Variants in COBL observed in about 807,000 individuals in gnomAD.
COBL encodes the protein cordon-bleu WH2 repeat protein, also known as protein cordon-bleu.
Under a neutral mutation model 98.8 loss-of-function variants are expected in COBL, and 51 were observed. That is an observed-to-expected ratio of 0.52 (90% confidence interval 0.41 to 0.65). The LOEUF is 0.65. Among genes scored for constraint, COBL ranks in the 30% least tolerant of loss-of-function variants. The pLI, the probability that COBL is intolerant of heterozygous loss-of-function variation, is 0.00. For missense variants in COBL, 1,617 were observed against 1,617.5 expected (o/e 1.00, Z 0.01); for synonymous variants, 634 against 651.7 (o/e 0.97, Z 0.41).
chr7:51,206,344 T>A (rs890614239), intron 2 of COBL, among the ~76,000 whole-genome samples: 1 of 151,680 alleles, frequency 6.6e-6, no homozygotes, highest in African/African-American at 2.4e-5. Context: ...ATACAAAAAT[T>A]AGCCAGGCGT....
intron 6 of COBL, among the ~76,000 whole-genome samples, chr7:51,125,713 G>C (rs1798135829): frequency 6.6e-6 from 1 of 152,116 alleles, no homozygotes; most frequent in South Asian, 2.1e-4. Flanking sequence ...CTGCCACGTG[G>C]CACTTTCCCC....
chr7:51,298,096 C>A (rs1406135637), intron 1 of COBL, among the ~76,000 whole-genome samples: 1 of 152,196 alleles, frequency 6.6e-6, no homozygotes, highest in East Asian at 1.9e-4. Flanking sequence ...TCCTTGCACC[C>A]CCTCTTGAAT....
Position 51,205,926 on chromosome 7 carries a change from T to C in COBL, c.246-12337A>G, listed in dbSNP as rs543038056. On this transcript the variant is annotated intron_variant, in intron 2 of 12. Coordinates refer to ENST00000265136, the MANE Select transcript of COBL (RefSeq NM_015198.5). The stretch of plus-strand genomic sequence containing the variant: ...AATAGATATTTCTCAAAATAAGACA[T>C]ACAAATGGTCAACAGGTATACTGAA... 1.9e-3 allele frequency among the ~76,000 whole-genome samples: 291 copies of C among 152,242 alleles called. 1 individual carries two copies. Among genetic ancestry groups the C allele is most frequent in the African/African-American group, 6.5e-3 (270 of 41,540 alleles).
intron 1 of COBL, among the ~76,000 whole-genome samples, chr7:51,265,640 C>A (rs952841956): frequency 1.3e-5 from 2 of 152,220 alleles, no homozygotes; most frequent in East Asian, 1.9e-4. Context: ...TGATGTGATA[C>A]CTGAGGTGCC....
chr7:51,315,013 G>A (rs1432716235), intron 1 of COBL, among the ~76,000 whole-genome samples: 11 of 152,008 alleles, frequency 7.2e-5, no homozygotes, highest in Admixed American at 2.6e-4. Context: ...CAGTTTTGCC[G>A]GCCTTTTAAA....
rs527779419 is a variant in COBL at position 51,083,209 on chromosome 7, T to C, written c.1096+1957A>G. On this transcript the variant is annotated intron_variant, in intron 7 of 12. Coordinates refer to ENST00000265136, the MANE Select transcript of COBL (RefSeq NM_015198.5). ...GAGCAGTGCCTCTGGGAGGCTTTTGTGGCACCTGCCGTCCACCACCTATAT... is the reference window on the plus strand; with the variant it reads ...GAGCAGTGCCTCTGGGAGGCTTTTGCGGCACCTGCCGTCCACCACCTATAT... 7.5e-6 allele frequency: 11 copies of C among 1,461,392 alleles called. No individual in the cohort carries two copies. In the South Asian group the frequency reaches 1.4e-4, roughly 19 times the overall value. 90.5% of individuals were successfully genotyped at this position (1,461,392 alleles called of 1,614,324 possible).
rs1366406474 is a variant in COBL at position 51,029,084 on chromosome 7, A to G, written c.2012T>C (p.Val671Ala). ...TTTATCGTTGCTGTCCTTTTCATTC[A>G]CCGGTTGGGAATTCACTCTCTCTGT... ...QATERVNSQP[V>A]NEKDSNDKNA... The change falls in exon 10 of 13, where the codon GTG becomes GCG. Residue 671 changes from valine (V) to alanine (A), a missense_variant. Physicochemically the swap from Val to Ala is moderately conservative, Grantham distance 64. Transcript: ENST00000265136. 6.2e-7 allele frequency: 1 copy of G among 1,613,728 alleles called. No homozygotes were observed. The highest frequency in any genetic ancestry group is 1.1e-5 in the South Asian group (1 of 91,008).
chr7:51,295,022 C>T (rs1801289748), intron 1 of COBL, among the ~76,000 whole-genome samples: 2 of 151,998 alleles, frequency 1.3e-5, no homozygotes. Context: ...CACAATGGCT[C>T]TCAATCATAA....
chr7:51,054,165 C>T (rs966586981), intron 7 of COBL, among the ~76,000 whole-genome samples: 11 of 152,298 alleles, frequency 7.2e-5, no homozygotes, highest in Admixed American at 5.2e-4. Context: ...GCCTAGGGGA[C>T]AGAGTGAGAC....
At chr7:51,111,574 C>T (rs1796824388) in intron 6 of COBL, among the ~76,000 whole-genome samples, 1 of 152,190 alleles carries the variant, frequency 6.6e-6, no homozygotes. Context: ...CACGGAGTGT[C>T]CTCTCTCGCT....
At chr7:51,297,538 C>G (rs552693676) in intron 1 of COBL, among the ~76,000 whole-genome samples, 3 of 152,028 alleles carry the variant, frequency 2.0e-5, no homozygotes, top group South Asian at 4.2e-4. Context: ...ATTAAAGGCA[C>G]CTGCCACTAT....
chr7:51,266,777 T>C (rs1342347654), intron 1 of COBL, among the ~76,000 whole-genome samples: 9 of 152,144 alleles, frequency 5.9e-5, no homozygotes, highest in Non-Finnish European at 1.0e-4. Context: ...CACATGTTTT[T>C]TGAGTGCTAT....
intron 5 of COBL, among the ~76,000 whole-genome samples, chr7:51,183,340 A>G (rs1434811619): frequency 6.6e-6 from 1 of 152,350 alleles, no homozygotes; most frequent in Admixed American, 6.5e-5. Context: ...CTTACTTATT[A>G]GTAAGGATAA....
At chr7:51,083,157 G>C in intron 7 of COBL, 1 of 1,506,686 alleles carries the variant, frequency 6.6e-7, no homozygotes, top group South Asian at 1.3e-5. Context: ...GGCGGGGGTG[G>C]GGGAAGCACT....
In COBL at chr7:51,105,229, G is replaced by T. The variant is rs183086208; in HGVS notation, c.958-19925C>A. 1.1e-3 allele frequency among the ~76,000 whole-genome samples: 175 copies of T among 152,182 alleles called. 3 individuals are homozygous for T. Among genetic ancestry groups the T allele is most frequent in the Non-Finnish European group, 3.2e-4 (22 of 68,020 alleles). ...AAAAGTCTCGCTTCTGCTGTTTTTC[G>T]TGTCTCCGAGCCCATTCTTTGGGTT... On this transcript the variant is annotated intron_variant, in intron 6 of 12. Transcript: ENST00000265136.
chr7:51,258,694 A>G (rs1446661631), intron 1 of COBL, among the ~76,000 whole-genome samples: 3 of 152,246 alleles, frequency 2.0e-5, no homozygotes, highest in Non-Finnish European at 4.4e-5. Flanking sequence ...TGTGGCACTT[A>G]AGAGTAATAA....
chr7:51,226,597 G>A (rs973046568), intron 1 of COBL, among the ~76,000 whole-genome samples: 4 of 150,200 alleles, frequency 2.7e-5, no homozygotes, highest in African/African-American at 7.5e-5. Flanking sequence ...GGAGTGAGTT[G>A]GGATTCAGCT....
chr7:51,025,349 C>G lies in COBL; in HGVS notation c.3528G>C (p.Glu1176Asp). Residue 1176 changes from glutamate to aspartate, a missense_variant, in exon 12 of 13, where the codon GAG (glutamate) becomes GAC (aspartate). Around this residue, in one of 3 missense-constraint regions of COBL, gnomAD observed 1,304 missense variants for 1,282.0 expected, o/e 1.02. Transcript: ENST00000265136. ...LRKVASSASEELQSFRDAALS... is the reference protein window; with the variant it reads ...LRKVASSASEDLQSFRDAALS... ...GTGCGGCATCTCGGAAGCTCTGGAG[C>G]TCCTCAGAAGCAGAGGATGCCACCT... The G allele has an allele frequency of 6.2e-7, 1 of 1,613,376 alleles. No homozygotes were observed. The highest frequency in any genetic ancestry group is 8.5e-7 in the Non-Finnish European group (1 of 1,180,024).
intron 7 of COBL, chr7:51,083,287 G>A: frequency 3.0e-6 from 4 of 1,343,896 alleles, no homozygotes; most frequent in Non-Finnish European, 3.9e-6. Context: ...CACTCACTAG[G>A]CACCAAATCC....
Sources: gnomAD v4.1 joint callset for allele counts (sites outside exome capture counted in the v4.1 genomes callset) on GRCh38, gnomAD v4.1.1 for gene constraint, gnomAD v4.1.1 regional missense constraint, MANE v1.5 for transcripts, NCBI Gene and HGNC (gene_info 2026-07-23, HGNC 2026-07-21) for gene names.